Variants in GPC6 observed in about 807,000 individuals in gnomAD.
The protein encoded by GPC6 is glypican-6.
A neutral mutation model predicts 55.2 loss-of-function variants in GPC6; 14 were observed. That is an observed-to-expected ratio of 0.25 (90% confidence interval 0.17 to 0.40). The LOEUF (loss-of-function observed/expected upper bound fraction) is 0.40, where lower values mean the gene tolerates loss of function less well. Among genes scored for constraint, GPC6 ranks in the 10% least tolerant of loss-of-function variants. The pLI, the probability that GPC6 is intolerant of heterozygous loss-of-function variation, is 1.00. For synonymous variants in GPC6, 278 were observed against 259.6 expected, an observed-to-expected ratio of 1.07 and a Z score of -0.68; for missense variants, 641 against 708.5, an observed-to-expected ratio of 0.90 and a Z score of 1.08.
chr13:93,303,942 C>T (rs1232299306), intron 1 of GPC6, among the ~76,000 whole-genome samples: 1 of 146,928 alleles, frequency 6.8e-6, no homozygotes, highest in East Asian at 2.0e-4. Flanking sequence ...AATCTCGGCT[C>T]ACTGCAACCT....
At chr13:93,224,044 G>T (rs1246432517), upstream of GPC6, among the ~76,000 whole-genome samples, 1 of 151,420 alleles carries the variant, frequency 6.6e-6, no homozygotes, top group Non-Finnish European at 1.5e-5. Context: ...GGACTGCAGT[G>T]CCGGCCACCA....
rs549964620 is a variant in GPC6 at position 94,256,093 on chromosome 13, G to A, written c.878-30256G>A. Among the ~76,000 whole-genome samples, 126 of 152,312 alleles carry A rather than the reference G, an allele frequency of 8.3e-4. 2 individuals are homozygous for A. Among genetic ancestry groups the A allele is most frequent in the Admixed American group, 3.7e-3 (57 of 15,296 alleles). ...AAACAGTCAGTAAAGATAGAGACGT[G>A]TAGACTTCACATCTATTGGATCATG... is the stretch of plus-strand genomic sequence containing the variant. On this transcript the variant is annotated intron_variant, in intron 4 of 8. Transcript: ENST00000377047.
chr13:93,693,656 T>A (rs1882344473), intron 2 of GPC6, among the ~76,000 whole-genome samples: 1 of 152,088 alleles, frequency 6.6e-6, no homozygotes, highest in Non-Finnish European at 1.5e-5. Flanking sequence ...TTTTTTGTAT[T>A]TATATTTTTT....
intron 2 of GPC6, among the ~76,000 whole-genome samples, chr13:93,806,460 C>T (rs1031225208): frequency 1.3e-5 from 2 of 152,202 alleles, no homozygotes; most frequent in African/African-American, 2.4e-5. Context: ...GCCTCAGTCT[C>T]CCAAGTAGCT....
At chr13:93,343,289 C>A (rs9561322) in intron 1 of GPC6, among the ~76,000 whole-genome samples, 23,723 of 152,112 alleles carry the variant, frequency 0.16, 2,235 homozygotes, top group East Asian at 0.37. Context: ...AAGTTTAACA[C>A]ATTCATTTGG....
At chr13:93,634,060 A>C (rs553639651) in intron 2 of GPC6, among the ~76,000 whole-genome samples, 1 of 152,236 alleles carries the variant, frequency 6.6e-6, no homozygotes, top group East Asian at 1.9e-4. Flanking sequence ...GTACTGATGC[A>C]GTGAACATAT....
chr13:93,638,523 A>C (rs1290462598), intron 2 of GPC6, among the ~76,000 whole-genome samples: 1 of 152,176 alleles, frequency 6.6e-6, no homozygotes, highest in African/African-American at 2.4e-5. Flanking sequence ...TCTTATTAAA[A>C]AATGAATAGA....
chr13:93,513,910 G>A (rs2590519), intron 1 of GPC6, among the ~76,000 whole-genome samples: 130,746 of 138,324 alleles, frequency 0.95, 62,262 homozygotes, highest in East Asian at 1. Context: ...TTTCACTCTC[G>A]TTGCCCAGGC....
chr13:93,277,297 C>G (rs1045238418), intron 1 of GPC6, among the ~76,000 whole-genome samples: 1 of 152,194 alleles, frequency 6.6e-6, no homozygotes, highest in Non-Finnish European at 1.5e-5. Flanking sequence ...ATTTAATCTC[C>G]CTCTGTCTCA....
At chr13:94,009,101 A>G (rs1485367416) in intron 3 of GPC6, among the ~76,000 whole-genome samples, 1 of 152,210 alleles carries the variant, frequency 6.6e-6, no homozygotes, top group Non-Finnish European at 1.5e-5. Flanking sequence ...ATTTTTTGAT[A>G]ATTAAAGCTT....
chr13:93,624,295 T>G (rs1315740883), intron 2 of GPC6, among the ~76,000 whole-genome samples: 2 of 152,048 alleles, frequency 1.3e-5, no homozygotes, highest in African/African-American at 2.4e-5. Context: ...TCTAAGGAGC[T>G]CTCTTAAAAT....
At chr13:93,977,811 G>A (rs1880594229) in intron 3 of GPC6, among the ~76,000 whole-genome samples, 1 of 151,976 alleles carries the variant, frequency 6.6e-6, no homozygotes, top group Non-Finnish European at 1.5e-5. Context: ...AATTGCAATA[G>A]GATAAGTACT....
At position 93,227,258 on chromosome 13, in the gene GPC6, C is replaced by T. The variant is rs1875820550; in HGVS notation, c.-199C>T. 3.9e-6 allele frequency: 2 copies of T among 516,772 alleles called. No homozygotes were observed. Among genetic ancestry groups the T allele is most frequent in the Non-Finnish European group, 6.9e-6 (2 of 289,770 alleles). 32.0% of individuals were successfully genotyped at this position (516,772 alleles called of 1,614,324 possible). ...TCCCAGCCAGCCCTTGTTGGCTTGC[C>T]ATCGTCCATCTGGCTTATAAAAGTT... is the stretch of plus-strand genomic sequence containing the variant. On this transcript the variant is annotated 5_prime_UTR_variant, in exon 1 of 9. Transcript: ENST00000377047. The surrounding 1 kb of genome is among the most constrained non-coding windows in gnomAD (Gnocchi z 4.3).
chr13:93,970,154 G>C (rs1880221482), intron 3 of GPC6, among the ~76,000 whole-genome samples: 1 of 152,134 alleles, frequency 6.6e-6, no homozygotes, highest in African/African-American at 2.4e-5. Context: ...TTTCCATAGA[G>C]TGTGTGCCTA....
At chr13:94,048,666 G>C (rs1230571876) in intron 4 of GPC6, among the ~76,000 whole-genome samples, 1 of 151,954 alleles carries the variant, frequency 6.6e-6, no homozygotes, top group African/African-American at 2.4e-5. Flanking sequence ...GAACTTAGTA[G>C]GGGACAAGAA....
At chr13:94,349,242 G>A (rs190771850) in intron 6 of GPC6, among the ~76,000 whole-genome samples, 17 of 152,176 alleles carry the variant, frequency 1.1e-4, no homozygotes, top group Admixed American at 5.9e-4. Context: ...TATCTGTGCC[G>A]CCACAGAAAT....
At chr13:93,398,646 T>A (rs982001815) in intron 1 of GPC6, among the ~76,000 whole-genome samples, 4 of 152,180 alleles carry the variant, frequency 2.6e-5, no homozygotes, top group African/African-American at 9.7e-5. Context: ...GCAGCTAGCA[T>A]GCACTGAACA....
At chr13:94,336,788 A>G (rs552616399) in intron 6 of GPC6, among the ~76,000 whole-genome samples, 2 of 152,210 alleles carry the variant, frequency 1.3e-5, no homozygotes, top group Non-Finnish European at 2.9e-5. Flanking sequence ...ATGTTTACAG[A>G]AGGAAAAAAA....
chr13:94,395,798 G>T (rs1258609680), intron 7 of GPC6, among the ~76,000 whole-genome samples: 3 of 152,222 alleles, frequency 2.0e-5, no homozygotes, highest in African/African-American at 7.2e-5. Context: ...TGGCAATTAG[G>T]TAGGGCTGTC....
Sources: allele counts gnomAD v4.1 joint callset (sites outside exome capture counted in the v4.1 genomes callset), GRCh38; gene constraint gnomAD v4.1.1; non-coding constraint Gnocchi (gnomAD v3.1); transcripts MANE v1.5; gene names NCBI Gene and HGNC (gene_info 2026-07-23, HGNC 2026-07-21).